KIF1B: variants seen among roughly 807,000 people sequenced by gnomAD.
KIF1B encodes kinesin family member 1B.
A neutral mutation model predicts 241.9 loss-of-function variants in KIF1B; 76 were observed. The ratio of observed to expected loss-of-function variants is 0.31; its 90% confidence interval spans 0.26 to 0.38. KIF1B has a LOEUF of 0.38. Ranked by LOEUF, KIF1B falls within the 10% of genes least tolerant of loss-of-function variation. The pLI, the probability that KIF1B is intolerant of heterozygous loss-of-function variation, is 1.00. For missense variants in KIF1B, 1,622 were observed against 2,271.4 expected, an observed-to-expected ratio of 0.71 and a Z score of 5.81; for synonymous variants, 750 against 796.7, an observed-to-expected ratio of 0.94 and a Z score of 0.99.
At chr1:10,224,913 G>C (rs963969792) in intron 1 of KIF1B, among the ~76,000 whole-genome samples, 1 of 152,160 alleles carries the variant, frequency 6.6e-6, no homozygotes, top group Non-Finnish European at 1.5e-5. Flanking sequence ...CAGGGTTGGG[G>C]TGATGGTCTC....
rs1053579869 is a variant in KIF1B, at chr1:10,357,806, C to T, written c.4056-3123C>T. Among the ~76,000 whole-genome samples, 40 of 151,902 alleles carry T rather than the reference C, an allele frequency of 2.6e-4. 2 individuals are homozygous for T. The highest frequency in any genetic ancestry group is 3.4e-3 in the Middle Eastern group (1 of 294). The stretch of plus-strand genomic sequence containing the variant: ...GGTGGATCACCTGAGGTCAGGAGTT[C>T]GAGACCAGCCTGGCCAACATGGTGA... On this transcript the variant is annotated intron_variant, in intron 38 of 48. Coordinates refer to ENST00000676179, the MANE Select transcript of KIF1B (RefSeq NM_001365951.3).
At chr1:10,332,500 C>CTTT (rs1557719332) in intron 27 of KIF1B, among the ~76,000 whole-genome samples, 6 of 97,846 alleles carry the variant, frequency 6.1e-5, no homozygotes, top group East Asian at 6.5e-4. Flanking sequence ...AGATAATAGT[C>CTTT]ATTTTTTTTT....
intron 38 of KIF1B, among the ~76,000 whole-genome samples, chr1:10,359,696 T>G (rs1370313052): frequency 6.6e-6 from 1 of 152,214 alleles, no homozygotes; most frequent in Non-Finnish European, 1.5e-5. Context: ...TTATTCTCTT[T>G]TACTGAAACA....
chr1:10,366,840 G>A (rs1464229089), intron 43 of KIF1B, among the ~76,000 whole-genome samples: 1 of 151,818 alleles, frequency 6.6e-6, no homozygotes, highest in Non-Finnish European at 1.5e-5. Context: ...ACGTGGTGGC[G>A]TGCGCCTGTA....
In KIF1B at chr1:10,374,963, G is replaced by A. The variant is rs1638841974; in HGVS notation, c.5206G>A (p.Asp1736Asn). 1 of 1,614,124 alleles carries A rather than the reference G, an allele frequency of 6.2e-7. No individual in the cohort carries two copies. The highest frequency in any genetic ancestry group is 1.3e-5 in the African/African-American group (1 of 75,016). The change falls in exon 47 of 49, where the codon GAC (aspartate) becomes AAC (asparagine). Residue 1736 changes from aspartate to asparagine, a missense_variant. Around this residue, in one of 7 missense-constraint regions of KIF1B, gnomAD observed 357 missense variants for 409.0 expected, o/e 0.87. Coordinates refer to ENST00000676179, the MANE Select transcript of KIF1B (RefSeq NM_001365951.3). This position sits in a 1 kb window ranked among gnomAD's most constrained non-coding sequence, Gnocchi z 4.3. ...GCCTTATGTCTTCATCTATAACAGT[G>A]ACAAAGACCCTGTGGAGCGTGGAAT... The part of the protein sequence containing the change: ...RRPYVFIYNS[D>N]KDPVERGIIN...
intron 23 of KIF1B, 118 bp downstream of exon 23, chr1:10,320,254 C>T (rs1651467808): frequency 1.5e-5 from 10 of 686,052 alleles, no homozygotes; most frequent in South Asian, 1.3e-4. Flanking sequence ...CATTTATTGA[C>T]ATTTTACTGA....
At chr1:10,307,159 A>G (rs1650870625) in intron 22 of KIF1B, 1 of 1,030,624 alleles carries the variant, frequency 9.7e-7, no homozygotes, top group Non-Finnish European at 1.2e-6. Context: ...ATTGACTGCC[A>G]TGTATGTCCC....
At chr1:10,358,787 A>G (rs972195516) in intron 38 of KIF1B, among the ~76,000 whole-genome samples, 2 of 152,162 alleles carry the variant, frequency 1.3e-5, no homozygotes, top group East Asian at 3.8e-4. Context: ...TATGTCTTAA[A>G]CCAAATTAAA....
rs72865977 is a variant in KIF1B at position 10,288,967 on chromosome 1, C to T, written c.1435-2115C>T. Among the ~76,000 whole-genome samples, 497 of 151,654 alleles carry T rather than the reference C, an allele frequency of 3.3e-3. 4 individuals carry two copies. The highest frequency in any genetic ancestry group is 0.012 in the African/African-American group (482 of 41,302). ...CAAGTCCTTTCTGTGTAGATATTTA[C>T]GTTTTGGGGTCACAGGCTTCGTTAG... is the stretch of plus-strand genomic sequence containing the variant. On this transcript the variant is annotated intron_variant, in intron 15 of 48. Coordinates refer to ENST00000676179, the MANE Select transcript of KIF1B (RefSeq NM_001365951.3).
At chr1:10,332,525 TTTTTTTTTG>T (rs1651989092) in intron 27 of KIF1B, among the ~76,000 whole-genome samples, 1 of 125,862 alleles carries the variant, frequency 7.9e-6, no homozygotes. Context: ...TTTTTTTTTT[TTTTTTTTTG>T]AGACGGAGTC....
intron 1 of KIF1B, among the ~76,000 whole-genome samples, chr1:10,216,911 C>G (rs1023812604): frequency 6.8e-6 from 1 of 146,868 alleles, no homozygotes; most frequent in African/African-American, 2.5e-5. Flanking sequence ...TGTAGGAACT[C>G]GCAGTATTGG....
chr1:10,264,542 A>ATT (rs1648341252), intron 5 of KIF1B, among the ~76,000 whole-genome samples: 1 of 152,270 alleles, frequency 6.6e-6, no homozygotes, highest in South Asian at 2.1e-4. Context: ...GTATGTACAA[A>ATT]TTTAAGTACA....
chr1:10,369,862 G>A (rs977177215), intron 44 of KIF1B, among the ~76,000 whole-genome samples: 14 of 151,824 alleles, frequency 9.2e-5, no homozygotes, highest in African/African-American at 1.5e-4. Flanking sequence ...AACCTGGGAG[G>A]TGGAGGTTGC....
chr1:10,303,883 AAAG>A lies in KIF1B; in HGVS notation c.2115+6643_2115+6645del. On this transcript the variant is annotated intron_variant, in intron 22 of 48. Coordinates refer to ENST00000676179, the MANE Select transcript of KIF1B (RefSeq NM_001365951.3). The surrounding 1 kb of genome is among the most constrained non-coding windows in gnomAD (Gnocchi z 5.2). ...TAAAGGAGACAATGGAGAACTTGCA[AAAG>A]AAGAACGTGTTTCCCAGCTGATGAA... The A allele has an allele frequency of 1.2e-6, 2 of 1,614,230 alleles. No individual in the cohort carries two copies. Among genetic ancestry groups the A allele is most frequent in the South Asian group, 1.1e-5 (1 of 91,088 alleles).
At position 10,343,296 on chromosome 1, in the gene KIF1B, T is replaced by C. The variant is rs886712005; in HGVS notation, c.3688+9T>C. ...GCCACTGTCCAAGCCAGGTGAGCAC[T>C]CGCTCCGCTTTTTGCATGATGATCT... is the stretch of plus-strand genomic sequence containing the variant. On this transcript the variant is annotated intron_variant, in intron 34 of 48. Coordinates refer to ENST00000676179, the MANE Select transcript of KIF1B (RefSeq NM_001365951.3). 3 of 1,613,822 alleles carry C rather than the reference T, an allele frequency of 1.9e-6. No individual in the cohort carries two copies. The African/African-American group carries it at 4.0e-5, about 22-fold the overall frequency.
rs1460075977 is a variant in KIF1B, at chr1:10,365,255, G to C, written c.4512+10G>C. 6.2e-7 allele frequency: 1 copy of C among 1,613,902 alleles called. No homozygotes were observed. The highest frequency in any genetic ancestry group is 8.5e-7 in the Non-Finnish European group (1 of 1,179,936). The stretch of plus-strand genomic sequence containing the variant: ...GGAGCTCCTACATGAGGTATCCAGG[G>C]GCAGGGTTGTTCAGATGCAAGAACT... On this transcript the variant is annotated intron_variant, in intron 42 of 48. Coordinates refer to ENST00000676179, the MANE Select transcript of KIF1B (RefSeq NM_001365951.3). This position sits in a 1 kb window ranked among gnomAD's most constrained non-coding sequence, Gnocchi z 4.0.
chr1:10,238,726 AC>A (rs1170598093), intron 2 of KIF1B, among the ~76,000 whole-genome samples: 2 of 151,940 alleles, frequency 1.3e-5, no homozygotes, highest in Non-Finnish European at 2.9e-5. Flanking sequence ...AACAACAACA[AC>A]AACAACAACA....
intron 27 of KIF1B, among the ~76,000 whole-genome samples, chr1:10,329,863 T>C (rs1444434271): frequency 6.6e-6 from 1 of 152,228 alleles, no homozygotes; most frequent in Non-Finnish European, 1.5e-5. Context: ...TCTTATGGCA[T>C]GCTGGGATGT....
chr1:10,224,629 G>T (rs1646887851), intron 1 of KIF1B, among the ~76,000 whole-genome samples: 1 of 152,050 alleles, frequency 6.6e-6, no homozygotes, highest in South Asian at 2.1e-4. Flanking sequence ...TGAATATGTT[G>T]CCCAGGCTGG....
Sources: gnomAD v4.1 joint callset for allele counts (sites outside exome capture counted in the v4.1 genomes callset) on GRCh38, gnomAD v4.1.1 for gene constraint, gnomAD v4.1.1 regional missense constraint, Gnocchi (gnomAD v3.1) non-coding constraint, MANE v1.5 for transcripts, NCBI Gene and HGNC (gene_info 2026-07-23, HGNC 2026-07-21) for gene names.